Variants in AR observed in about 807,000 individuals in gnomAD.
AR encodes dihydrotestosterone receptor.
A neutral mutation model predicts 53.9 loss-of-function variants in AR; 8 were observed. The observed-to-expected ratio is 0.15, with a 90% CI of 0.09 to 0.27. The LOEUF (loss-of-function observed/expected upper bound fraction) is 0.27. AR is among the 10% of genes least tolerant of loss of function. The pLI is 1.00. For synonymous variants in AR, 359 were observed against 316.4 expected, an observed-to-expected ratio of 1.13 and a Z score of -1.43; for missense variants, 639 against 742.5, an observed-to-expected ratio of 0.86 and a Z score of 1.62.
At chrX:67,579,880 C>A (rs763676146) in intron 1 of AR, among the ~76,000 whole-genome samples, 1 of 111,354 alleles carries the variant, frequency 9.0e-6, no homozygotes, top group Non-Finnish European at 1.9e-5. Context: ...TCTGTTCAGC[C>A]TTTTTGCACA....
chrX:67,661,856 C>T (rs1221791738), intron 2 of AR, among the ~76,000 whole-genome samples: 2 of 111,528 alleles, frequency 1.8e-5, no homozygotes, highest in Non-Finnish European at 3.8e-5. Context: ...TTAGTTATAT[C>T]CTCAATTTCA....
chrX:67,564,908 T>C (rs938287559), intron 1 of AR, among the ~76,000 whole-genome samples: 4 of 111,954 alleles, frequency 3.6e-5, no homozygotes, highest in Non-Finnish European at 7.5e-5. Flanking sequence ...GTTTTCATCT[T>C]GTAAATCTGT....
intron 3 of AR, among the ~76,000 whole-genome samples, chrX:67,697,153 T>A (rs1212412628): frequency 8.9e-6 from 1 of 112,012 alleles, no homozygotes; most frequent in Non-Finnish European, 1.9e-5. Context: ...AGCCACATGC[T>A]CAGGCCCACT....
rs895740620 is a variant in AR at position 67,729,298 on chromosome X, A to G, written c.*5457A>G. On this transcript the variant is annotated 3_prime_UTR_variant, in exon 8 of 8. Coordinates refer to ENST00000374690, the MANE Select transcript of AR (RefSeq NM_000044.6). ...TAGGGTGTTTTTCTTTGATTAAGAG[A>G]TTGACACTTCTGTTGCCTAGGACCT... 1.1e-5 allele frequency: 2 copies of G among 173,979 alleles called. No individual in the cohort carries two copies. Among genetic ancestry groups the G allele is most frequent in the African/African-American group, 2.9e-5 (1 of 33,921 alleles). The allele number at this position is 173,979 out of a possible 1,213,427, so 14.3% of individuals were successfully genotyped here.
chrX:67,695,599 A>C, intron 3 of AR: 1 of 753,763 alleles, frequency 1.3e-6, no homozygotes, highest in Non-Finnish European at 1.6e-6. Flanking sequence ...TCTCTGCTCC[A>C]TAGCTTCCAT....
intron 3 of AR, among the ~76,000 whole-genome samples, chrX:67,694,373 C>G (rs767082705): frequency 2.7e-5 from 3 of 109,462 alleles, no homozygotes; most frequent in Non-Finnish European, 5.7e-5. Context: ...TTCTTGTCCA[C>G]TATGTTCAGA....
intron 2 of AR, among the ~76,000 whole-genome samples, chrX:67,677,350 T>C (rs1240964767): frequency 8.9e-6 from 1 of 111,807 alleles, no homozygotes; most frequent in Non-Finnish European, 1.9e-5. Flanking sequence ...CAATCATTCA[T>C]TCAAATAAGG....
At chrX:67,650,972 A>G (rs1336639536) in intron 2 of AR, among the ~76,000 whole-genome samples, 1 of 111,372 alleles carries the variant, frequency 9.0e-6, no homozygotes, top group Non-Finnish European at 1.9e-5. Context: ...CATATAGGGT[A>G]TTGGGCTGAC....
At chrX:67,549,433 G>T (rs1929911709) in intron 1 of AR, among the ~76,000 whole-genome samples, 1 of 111,918 alleles carries the variant, frequency 8.9e-6, no homozygotes, top group Non-Finnish European at 1.9e-5. Context: ...TCTGCTGAGA[G>T]GAGGGAAGAT....
chrX:67,559,263 C>G (rs982936270), intron 1 of AR, among the ~76,000 whole-genome samples: 4 of 112,101 alleles, frequency 3.6e-5, no homozygotes, highest in African/African-American at 1.3e-4. Flanking sequence ...CTAACATTGA[C>G]TTGTCTCCCT....
intron 1 of AR, among the ~76,000 whole-genome samples, chrX:67,621,467 G>A (rs941549785): frequency 2.7e-5 from 3 of 110,728 alleles, no homozygotes; most frequent in Non-Finnish European, 5.7e-5. Context: ...CCATCAACCC[G>A]TCATCTACAT....
At chrX:67,691,293 C>T (rs984472146) in intron 3 of AR, among the ~76,000 whole-genome samples, 2 of 112,022 alleles carry the variant, frequency 1.8e-5, no homozygotes, top group Non-Finnish European at 3.8e-5. Context: ...AGAGGCCTAC[C>T]CTCATACCAA....
chrX:67,576,978 G>A (rs1302545001), intron 1 of AR, among the ~76,000 whole-genome samples: 3 of 104,970 alleles, frequency 2.9e-5, no homozygotes, highest in Non-Finnish European at 5.8e-5. Flanking sequence ...AACTGTAAAT[G>A]TCAATGGGTT....
chrX:67,602,300 G>T (rs1923409276), intron 1 of AR, among the ~76,000 whole-genome samples: 1 of 111,613 alleles, frequency 9.0e-6, no homozygotes, highest in African/African-American at 3.3e-5. Flanking sequence ...AATCCTAGCT[G>T]CACTAATCAC....
chrX:67,673,679 C>A, intron 2 of AR, among the ~76,000 whole-genome samples: 1 of 109,807 alleles, frequency 9.1e-6, no homozygotes, highest in Non-Finnish European at 1.9e-5. Flanking sequence ...TGATAGAATT[C>A]TGAATTCTTT....
chrX:67,660,002 G>A (rs1293506607), intron 2 of AR, among the ~76,000 whole-genome samples: 1 of 112,121 alleles, frequency 8.9e-6, no homozygotes, highest in African/African-American at 3.2e-5. Flanking sequence ...TGTTGGCTGT[G>A]TAAATGTCTT....
rs2076174017 is a variant in AR at position 67,730,153 on chromosome X, A to C, written c.*6312A>C. The C allele has an allele frequency of 7.6e-6, 1 of 132,279 alleles. No individual in the cohort carries two copies. The highest frequency in any genetic ancestry group is 1.4e-4 in the Admixed American group (1 of 7,076). The allele number at this position is 132,279 out of a possible 1,213,427, so 10.9% of individuals were successfully genotyped here. A position where few individuals can be genotyped will look rare whatever the true frequency, so the allele number is the denominator to read the frequency against. On this transcript the variant is annotated 3_prime_UTR_variant, in exon 8 of 8. Coordinates refer to ENST00000374690, the MANE Select transcript of AR (RefSeq NM_000044.6). ...ACTATGTAAACAGAGATAAAAATTA[A>C]TTTTCAATATTGAAGGAAAAAAGAA...
At chrX:67,675,369 C>G (rs1182260472) in intron 2 of AR, among the ~76,000 whole-genome samples, 1 of 110,868 alleles carries the variant, frequency 9.0e-6, no homozygotes, top group African/African-American at 3.3e-5. Flanking sequence ...AGGATTTGAC[C>G]AAGAATTGCA....
chrX:67,578,268 T>C (rs1213478563), intron 1 of AR, among the ~76,000 whole-genome samples: 1 of 111,382 alleles, frequency 9.0e-6, no homozygotes, highest in Non-Finnish European at 1.9e-5. Context: ...GATTGGCATA[T>C]CCATCTTAAT....
Sources: allele counts gnomAD v4.1 joint callset (sites outside exome capture counted in the v4.1 genomes callset), GRCh38; gene constraint gnomAD v4.1.1; transcripts MANE v1.5; gene names NCBI Gene and HGNC (gene_info 2026-07-23, HGNC 2026-07-21).